Variants in DYSF observed in about 807,000 individuals in gnomAD.
The protein encoded by DYSF is dysferlin, also known as dystrophy-associated fer-1-like 1.
A neutral mutation model predicts 274.9 loss-of-function variants in DYSF; 212 were observed. The observed-to-expected ratio is 0.77, with a 90% CI of 0.69 to 0.86. DYSF has a LOEUF of 0.86. DYSF is among the 40% of genes least tolerant of loss of function. The probability of loss-of-function intolerance (pLI) is 0.00; values close to 1 mark genes in which losing one functional copy is unlikely to be tolerated. For missense variants in DYSF, 2,666 were observed against 2,783.2 expected, an observed-to-expected ratio of 0.96 and a Z score of 0.95; for synonymous variants, 1,091 against 1,078.7, an observed-to-expected ratio of 1.01 and a Z score of -0.22.
At chr2:71,600,603 C>T in intron 33 of DYSF, 99 bp from the exon 34 acceptor site, 2 of 1,565,952 alleles carry the variant, frequency 1.3e-6, no homozygotes, top group Non-Finnish European at 1.7e-6. Flanking sequence ...TACTGAGGCC[C>T]TTTCTAGTTC....
intron 39 of DYSF, 66 bp from the exon 40 acceptor site, chr2:71,613,268 G>C (rs565770174): frequency 1.5e-5 from 22 of 1,467,572 alleles, no homozygotes; most frequent in Non-Finnish European, 1.7e-5. Context: ...TTGAGCCCTG[G>C]GGCTGGTGAG....
In DYSF at chr2:71,535,282, C is replaced by T. The variant is rs202044973; in HGVS notation, c.1464C>T (p.Cys488=). The T allele has an allele frequency of 1.7e-5, 28 of 1,614,010 alleles. No homozygotes were observed. The highest frequency in any genetic ancestry group is 4.4e-5 in the South Asian group (4 of 91,074). The change falls in exon 16 of 56, where the codon TGC becomes TGT. Residue 488 remains cysteine, a synonymous_variant. Coordinates refer to ENST00000410020, the MANE Select transcript of DYSF (RefSeq NM_001130987.2). The part of the protein sequence containing the change: ...ITLPAMFPSM[C]EKMRIRIIDW... ...TCCTTCCTCAGTTTCCCTCCATGTG[C>T]GAAAAAATGAGGATTCGTATCATAG...
At chr2:71,673,815 A>T (rs1424101402) in intron 51 of DYSF, among the ~76,000 whole-genome samples, 1 of 152,170 alleles carries the variant, frequency 6.6e-6, no homozygotes, top group East Asian at 1.9e-4. Flanking sequence ...ATGAGTTCAT[A>T]GCAGTAGAGG....
intron 41 of DYSF, among the ~76,000 whole-genome samples, chr2:71,640,776 C>T (rs1231635336): frequency 2.0e-5 from 3 of 150,984 alleles, no homozygotes; most frequent in South Asian, 2.1e-4. Context: ...TGTGTTGCTT[C>T]GTCAAGTTTT....
At chr2:71,556,499 G>T (rs1310147994) in intron 22 of DYSF, among the ~76,000 whole-genome samples, 4 of 152,180 alleles carry the variant, frequency 2.6e-5, no homozygotes, top group African/African-American at 9.7e-5. Flanking sequence ...AAAGGGCCCG[G>T]GGTGTGGAGG....
In DYSF at chr2:71,539,801, A is replaced by C. The variant is rs115109346; in HGVS notation, c.1576+562A>C. 6.2e-3 allele frequency among the ~76,000 whole-genome samples: 943 copies of C among 152,338 alleles called. 6 individuals carry two copies. The highest frequency in any genetic ancestry group is 0.012 in the Admixed American group (189 of 15,300). On this transcript the variant is annotated intron_variant, in intron 17 of 55. Coordinates refer to ENST00000410020, the MANE Select transcript of DYSF (RefSeq NM_001130987.2). ...AATACATGGGTATGTGTATATATAC[A>C]TTAGAACAAATTGTTTTGAAAATTG...
In DYSF at chr2:71,643,963, A is replaced by G. The variant is rs1213965862; in HGVS notation, c.4528-2A>G. On this transcript the variant is annotated splice_acceptor_variant, in intron 41 of 55. Coordinates refer to ENST00000410020, the MANE Select transcript of DYSF (RefSeq NM_001130987.2). LOFTEE classifies it high-confidence loss of function. ...ATGGTCTCTTTCTTTCTACCCACTC[A>G]GGAGGAAGAGTTCATCGATTGGTGG... The G allele has an allele frequency of 3.7e-6, 6 of 1,606,786 alleles. No individual in the cohort carries two copies. The highest frequency in any genetic ancestry group is 5.1e-6 in the Non-Finnish European group (6 of 1,175,864).
chr2:71,562,075 G>A, intron 23 of DYSF, 131 bp downstream of exon 23: 1 of 1,283,096 alleles, frequency 7.8e-7, no homozygotes, highest in South Asian at 1.3e-5. Context: ...TTGGGCAGGT[G>A]ACTTAACCTC....
At chr2:71,600,478 A>G (rs1378869383) in intron 33 of DYSF, among the ~76,000 whole-genome samples, 1 of 152,204 alleles carries the variant, frequency 6.6e-6, no homozygotes, top group African/African-American at 2.4e-5. Context: ...CTTCCCGACC[A>G]TGATGGGAAT....
At chr2:71,542,718 G>A (rs1012385880) in intron 17 of DYSF, among the ~76,000 whole-genome samples, 1 of 152,180 alleles carries the variant, frequency 6.6e-6, no homozygotes, top group African/African-American at 2.4e-5. Context: ...AGCATCCCAA[G>A]GCAGAAGAAT....
chr2:71,472,715 T>A (rs1312116071), intron 1 of DYSF, among the ~76,000 whole-genome samples: 1 of 152,242 alleles, frequency 6.6e-6, no homozygotes, highest in East Asian at 1.9e-4. Context: ...CAACACTTTC[T>A]TAAGGTTCAA....
intron 4 of DYSF, among the ~76,000 whole-genome samples, chr2:71,503,579 G>A (rs775861293): frequency 2.0e-5 from 3 of 152,110 alleles, no homozygotes; most frequent in African/African-American, 7.2e-5. Flanking sequence ...CCCTTGGTCT[G>A]GTGCTGCCGG....
chr2:71,487,328 A>C (rs1043220736), intron 3 of DYSF, among the ~76,000 whole-genome samples: 2 of 152,170 alleles, frequency 1.3e-5, no homozygotes, highest in African/African-American at 4.8e-5. Flanking sequence ...ACCTGGCTGC[A>C]TCTAGAAATG....
intron 53 of DYSF, 51 bp downstream of exon 53, chr2:71,679,286 C>T (rs2152968004): frequency 6.3e-7 from 1 of 1,576,860 alleles, no homozygotes; most frequent in African/African-American, 1.3e-5. Context: ...AAGCTTCTTC[C>T]ATAGAAATTG....
intron 33 of DYSF, 126 bp downstream of exon 33, chr2:71,598,871 A>G: frequency 9.0e-7 from 1 of 1,111,832 alleles, no homozygotes; most frequent in South Asian, 1.4e-5. Flanking sequence ...CCCTAGAACA[A>G]TTAAAATAAT....
intron 32 of DYSF, among the ~76,000 whole-genome samples, chr2:71,595,836 G>A (rs1461285683): frequency 2.0e-5 from 3 of 152,168 alleles, no homozygotes; most frequent in Non-Finnish European, 4.4e-5. Flanking sequence ...GCCCTATGCT[G>A]TGATGCACAC....
rs1200593609 is a variant in DYSF at position 71,549,285 on chromosome 2, C to T, written c.1577-1756C>T. 4 of 1,514,832 alleles carry T rather than the reference C, an allele frequency of 2.6e-6. No homozygotes were observed. In the Admixed American group the frequency reaches 5.2e-5, roughly 20 times the overall value. 93.8% of individuals were successfully genotyped at this position (1,514,832 alleles called of 1,614,324 possible). A position where few individuals can be genotyped will look rare whatever the true frequency, so the allele number is the denominator to read the frequency against. On this transcript the variant is annotated intron_variant, in intron 17 of 55. Coordinates refer to ENST00000410020, the MANE Select transcript of DYSF (RefSeq NM_001130987.2). ...GCCAGCTCTCCATCCACAGCCTGTT[C>T]ATGTAACCCGTCCTTCTCCCAGCCA... is the stretch of plus-strand genomic sequence containing the variant.
intron 52 of DYSF, among the ~76,000 whole-genome samples, chr2:71,674,859 G>A (rs1265255346): frequency 6.6e-6 from 1 of 152,176 alleles, no homozygotes; most frequent in African/African-American, 2.4e-5. Context: ...GGAAGACATT[G>A]TATGGGGCCT....
rs1355256629 is a variant in DYSF, at chr2:71,459,481, T to C, written c.88+5395T>C. 5.9e-5 allele frequency among the ~76,000 whole-genome samples: 9 copies of C among 152,082 alleles called. No homozygotes were observed. The East Asian group carries it at 1.7e-3, about 29-fold the overall frequency. On this transcript the variant is annotated intron_variant, in intron 1 of 54. Transcript: ENST00000258104. Reference sequence around the variant, plus strand: ...TGGAGGGGAAATCCTATGTGCATACTGGGAGTGAGCTGAGGGGGGGACACC... The same window carrying C: ...TGGAGGGGAAATCCTATGTGCATACCGGGAGTGAGCTGAGGGGGGGACACC...
Sources: allele counts gnomAD v4.1 joint callset (sites outside exome capture counted in the v4.1 genomes callset), GRCh38; gene constraint gnomAD v4.1.1; transcripts MANE v1.5; gene names NCBI Gene and HGNC (gene_info 2026-07-23, HGNC 2026-07-21).